Variants in SPOCK3 observed in about 807,000 individuals in gnomAD.
The protein encoded by SPOCK3 is SPARC (osteonectin), cwcv and kazal like domains proteoglycan 3, also known as testican-3.
In SPOCK3, 30 loss-of-function variants were observed where a neutral mutation model predicts 56.6. The ratio of observed to expected loss-of-function variants is 0.53; its 90% CI spans 0.40 to 0.72. The LOEUF is 0.72. SPOCK3 is among the 30% of genes least tolerant of loss of function. The pLI is 0.00. For synonymous variants in SPOCK3, 196 were observed against 183.3 expected (o/e 1.07, Z -0.56); for missense variants, 527 against 530.0 (o/e 0.99, Z 0.06).
intron 4 of SPOCK3, among the ~76,000 whole-genome samples, chr4:166,915,626 A>C (rs1425729297): frequency 6.6e-6 from 1 of 152,152 alleles, no homozygotes; most frequent in Non-Finnish European, 1.5e-5. Flanking sequence ...GAAGTCACAT[A>C]GTCATTGTAT....
intron 6 of SPOCK3, among the ~76,000 whole-genome samples, chr4:166,828,639 T>C (rs568600470): frequency 1.3e-5 from 2 of 152,110 alleles, no homozygotes; most frequent in Admixed American, 1.3e-4. Context: ...TCCTTGACAT[T>C]GTGGTGGTAG....
In SPOCK3 at chr4:167,116,913, GTA is replaced by G. The variant is rs70957813; in HGVS notation, c.190-54378_190-54377del. 1.1e-3 allele frequency among the ~76,000 whole-genome samples: 132 copies of G among 121,376 alleles called. 1 individual carries two copies. Among genetic ancestry groups the G allele is most frequent in the South Asian group, 1.6e-3 (6 of 3,854 alleles). The allele number at this position is 121,376 out of a possible 152,430, so 79.6% of individuals were successfully genotyped here. On this transcript the variant is annotated intron_variant, in intron 2 of 10. Transcript: ENST00000357545. ...CATATATACTTTTGTGTGTGTGTGT[GTA>G]TATATATATATATATATACTTTTGT...
intron 7 of SPOCK3, among the ~76,000 whole-genome samples, chr4:166,763,986 G>A (rs978107807): frequency 4.6e-5 from 7 of 151,964 alleles, no homozygotes; most frequent in South Asian, 2.1e-4. Flanking sequence ...TTTTTTCAGC[G>A]GGGTTGCTGG....
intron 4 of SPOCK3, among the ~76,000 whole-genome samples, chr4:166,933,398 T>G (rs904050738): frequency 6.6e-6 from 1 of 152,204 alleles, no homozygotes; most frequent in Non-Finnish European, 1.5e-5. Flanking sequence ...TTTCTGGCTC[T>G]GGATGCCCAG....
At chr4:166,740,470 G>T (rs1199853864) in intron 9 of SPOCK3, among the ~76,000 whole-genome samples, 1 of 149,748 alleles carries the variant, frequency 6.7e-6, no homozygotes, top group Admixed American at 6.7e-5. Context: ...ACTTTGATTT[G>T]CCAAGACAAA....
intron 2 of SPOCK3, among the ~76,000 whole-genome samples, chr4:167,210,358 T>C (rs570822066): frequency 8.9e-4 from 135 of 152,270 alleles, no homozygotes; most frequent in Non-Finnish European, 1.5e-3. Context: ...GTAATTTGCA[T>C]GTACTTATCT....
At chr4:166,845,347 A>G (rs1303348834) in intron 6 of SPOCK3, among the ~76,000 whole-genome samples, 2 of 152,230 alleles carry the variant, frequency 1.3e-5, no homozygotes, top group African/African-American at 2.4e-5. Context: ...GACACTGGGC[A>G]TATGAAATTT....
Position 166,964,169 on chromosome 4 carries a change from G to A in SPOCK3, c.350+36180C>T, listed in dbSNP as rs1744453693. ...AATTAATTAAAGGATAAACAGTCCT[G>A]TATTTTAAAGGTATTATTTTCAAAA... On this transcript the variant is annotated intron_variant, in intron 4 of 10. Coordinates refer to ENST00000357545, the MANE Select transcript of SPOCK3 (RefSeq NM_001040159.2). Among the ~76,000 whole-genome samples the A allele has an allele frequency of 2.0e-5, 3 of 151,552 alleles. No homozygotes were observed. In the South Asian group the frequency reaches 6.2e-4, roughly 32 times the overall value.
At chr4:166,984,239 T>A (rs1561084827) in intron 4 of SPOCK3, among the ~76,000 whole-genome samples, 1 of 152,090 alleles carries the variant, frequency 6.6e-6, no homozygotes, top group Non-Finnish European at 1.5e-5. Flanking sequence ...TTCATCTTTA[T>A]AATGATAATT....
At position 166,733,605 on chromosome 4, in the gene SPOCK3, T is replaced by C. The variant is rs1282381986; in HGVS notation, c.*1316A>G. 6.6e-6 allele frequency: 1 copy of C among 152,084 alleles called. No individual in the cohort carries two copies. The highest frequency in any genetic ancestry group is 1.5e-5 in the Non-Finnish European group (1 of 67,778). The allele number at this position is 152,084 out of a possible 1,614,324, so 9.4% of individuals were successfully genotyped here. A position where few individuals can be genotyped will look rare whatever the true frequency, so the allele number is the denominator to read the frequency against. On this transcript the variant is annotated 3_prime_UTR_variant, in exon 11 of 11. Transcript: ENST00000357545. ...CAATACGTAACATTCAACAGGTTTT[T>C]CCATTTTTATTATGGGCACAAAACC...
rs113151844 is a variant in SPOCK3 at position 167,098,736 on chromosome 4, G to A, written c.190-36199C>T. Among the ~76,000 whole-genome samples, 193 of 151,418 alleles carry A rather than the reference G, an allele frequency of 1.3e-3. No homozygotes were observed. The East Asian group carries it at 0.019, about 15-fold the overall frequency. On this transcript the variant is annotated intron_variant, in intron 2 of 10. Coordinates refer to ENST00000357545, the MANE Select transcript of SPOCK3 (RefSeq NM_001040159.2). ...CTGTTCCCAGCATTTTAATTAACTC[G>A]CTTTATCATCTCTTTGTTGGTGGGT...
chr4:166,910,654 G>A (rs1330231398), intron 5 of SPOCK3, among the ~76,000 whole-genome samples: 1 of 152,052 alleles, frequency 6.6e-6, no homozygotes, highest in Non-Finnish European at 1.5e-5. Context: ...GGAAAGGAAG[G>A]ATCACCTGCT....
chr4:166,813,699 A>C (rs1400791465), intron 6 of SPOCK3, among the ~76,000 whole-genome samples: 2 of 151,982 alleles, frequency 1.3e-5, no homozygotes, highest in Non-Finnish European at 2.9e-5. Context: ...AGGAGTCTTC[A>C]GTAAGTTTAT....
chr4:167,201,833 TAG>T (rs929114863), intron 2 of SPOCK3, among the ~76,000 whole-genome samples: 3 of 151,926 alleles, frequency 2.0e-5, no homozygotes, highest in Non-Finnish European at 4.4e-5. Flanking sequence ...TAAAGAAATT[TAG>T]AGTTATACCT....
At chr4:166,937,760 T>C (rs1219847349) in intron 4 of SPOCK3, among the ~76,000 whole-genome samples, 1 of 93,576 alleles carries the variant, frequency 1.1e-5, no homozygotes, top group East Asian at 5.9e-4. Context: ...TCTATTTTTT[T>C]TTCTTTTTTT....
chr4:166,882,204 T>G (rs564912804), intron 6 of SPOCK3, among the ~76,000 whole-genome samples: 1 of 152,318 alleles, frequency 6.6e-6, no homozygotes, highest in Admixed American at 6.5e-5. Context: ...AGTGTAGAGA[T>G]AGTCTGAAAA....
chr4:166,802,095 A>C (rs1384045380), intron 6 of SPOCK3, among the ~76,000 whole-genome samples: 1 of 152,146 alleles, frequency 6.6e-6, no homozygotes, highest in Non-Finnish European at 1.5e-5. Context: ...CTTGAGGTAG[A>C]CAATACATGT....
At chr4:167,178,637 C>G (rs1731186517) in intron 2 of SPOCK3, among the ~76,000 whole-genome samples, 1 of 151,962 alleles carries the variant, frequency 6.6e-6, no homozygotes, top group Admixed American at 6.6e-5. Context: ...CATTTAGAGA[C>G]TCATGATGTG....
At chr4:167,017,127 C>T (rs1229209669) in intron 3 of SPOCK3, among the ~76,000 whole-genome samples, 1 of 152,014 alleles carries the variant, frequency 6.6e-6, no homozygotes, top group African/African-American at 2.4e-5. Context: ...ACCTGGGTTC[C>T]CATTTCCCTT....
Sources: allele counts gnomAD v4.1 joint callset (sites outside exome capture counted in the v4.1 genomes callset), GRCh38; gene constraint gnomAD v4.1.1; transcripts MANE v1.5; gene names NCBI Gene and HGNC (gene_info 2026-07-23, HGNC 2026-07-21).